The following MCF2L2 variants were observed in gnomAD, a reference collection of about 807,000 sequenced individuals.
MCF2L2 encodes the protein MCF.2 cell line derived transforming sequence-like 2.
In MCF2L2, 102 loss-of-function variants were observed where a neutral mutation model predicts 150.2. The observed-to-expected ratio is 0.68, with a 90% CI of 0.58 to 0.80. The LOEUF is 0.80. MCF2L2 is among the 30% of genes least tolerant of loss of function. The pLI is 0.00. For missense variants in MCF2L2, 1,256 were observed against 1,372.8 expected (o/e 0.91, Z 1.34); for synonymous variants, 465 against 491.3 (o/e 0.95, Z 0.71).
At chr3:183,194,245 G>A (rs931429918) in intron 26 of MCF2L2, among the ~76,000 whole-genome samples, 2 of 152,142 alleles carry the variant, frequency 1.3e-5, no homozygotes, top group Admixed American at 6.5e-5. Flanking sequence ...GCAGACTACT[G>A]TATCAGAACT....
chr3:183,296,853 C>T, intron 12 of MCF2L2, 123 bp downstream of exon 12: 1 of 1,081,264 alleles, frequency 9.2e-7, no homozygotes. Flanking sequence ...GCTTCGGAAC[C>T]AGTGAGCCCA....
intron 12 of MCF2L2, chr3:183,296,330 C>T (rs1044895160): frequency 6.5e-6 from 1 of 152,726 alleles, no homozygotes; most frequent in African/African-American, 2.4e-5. Context: ...CAAAGCCTAC[C>T]TTGCCTGCCT....
At chr3:183,369,554 T>C (rs1712739232) in intron 3 of MCF2L2, among the ~76,000 whole-genome samples, 1 of 152,134 alleles carries the variant, frequency 6.6e-6, no homozygotes, top group Non-Finnish European at 1.5e-5. Flanking sequence ...GTATAAATAT[T>C]CAGACTCTTC....
chr3:183,246,997 T>C (rs1382253106), intron 15 of MCF2L2, among the ~76,000 whole-genome samples: 3 of 152,204 alleles, frequency 2.0e-5, no homozygotes, highest in African/African-American at 7.2e-5. Flanking sequence ...TCCTGTCTTA[T>C]TCATCCTTGG....
At position 183,235,136 on chromosome 3, in the gene MCF2L2, T is replaced by A. The variant is rs1462743977; in HGVS notation, c.1863-4119A>T. Among the ~76,000 whole-genome samples, 333 of 88,492 alleles carry A rather than the reference T, an allele frequency of 3.8e-3. 17 individuals are homozygous for A. The highest frequency in any genetic ancestry group is 0.016 in the African/African-American group (316 of 19,226). The allele number at this position is 88,492 out of a possible 152,430, so 58.1% of individuals were successfully genotyped here. On this transcript the variant is annotated intron_variant, in intron 15 of 29. Coordinates refer to ENST00000328913, the MANE Select transcript of MCF2L2 (RefSeq NM_015078.4). The stretch of plus-strand genomic sequence containing the variant: ...GGTTGGTTCCAAGTCTTTGCTATTG[T>A]GAATAGTGCCACAATAAACATACGT...
At chr3:183,206,045 T>C (rs956772437) in intron 24 of MCF2L2, 77 bp downstream of exon 24, 4 of 1,555,344 alleles carry the variant, frequency 2.6e-6, no homozygotes, top group South Asian at 2.2e-5. Flanking sequence ...ACTAATGAGA[T>C]AGAAAACACT....
intron 20 of MCF2L2, among the ~76,000 whole-genome samples, chr3:183,221,528 G>C (rs564881739): frequency 6.6e-6 from 1 of 152,114 alleles, no homozygotes; most frequent in African/African-American, 2.4e-5. Flanking sequence ...AGCCCTCTGC[G>C]TCTGGTACCG....
chr3:183,287,453 C>G (rs957947767), intron 14 of MCF2L2: 1 of 152,166 alleles, frequency 6.6e-6, no homozygotes, highest in Non-Finnish European at 1.5e-5. Flanking sequence ...GACATTCTCC[C>G]AGAAGTCCAG....
At chr3:183,209,741 A>C (rs941342519) in intron 22 of MCF2L2, among the ~76,000 whole-genome samples, 1 of 152,092 alleles carries the variant, frequency 6.6e-6, no homozygotes, top group African/African-American at 2.4e-5. Context: ...TGCCCACCTC[A>C]GCCTCCCAAA....
intron 3 of MCF2L2, among the ~76,000 whole-genome samples, chr3:183,361,915 G>A (rs868689968): frequency 1.6e-4 from 24 of 152,224 alleles, no homozygotes; most frequent in Middle Eastern, 3.4e-3. Flanking sequence ...CTTTCTGATG[G>A]ATCAATGTAT....
At chr3:183,350,341 T>G (rs1405060747) in intron 3 of MCF2L2, among the ~76,000 whole-genome samples, 2 of 151,880 alleles carry the variant, frequency 1.3e-5, no homozygotes, top group Admixed American at 6.6e-5. Context: ...TCAACAAAGG[T>G]ATGAAAACGT....
intron 15 of MCF2L2, among the ~76,000 whole-genome samples, chr3:183,257,173 A>G (rs1049187538): frequency 1.3e-5 from 2 of 152,244 alleles, no homozygotes; most frequent in Admixed American, 6.5e-5. Flanking sequence ...TGACATTGTC[A>G]ACAAGTTATC....
intron 14 of MCF2L2, among the ~76,000 whole-genome samples, chr3:183,280,738 C>T (rs55983149): frequency 0.026 from 3,906 of 151,668 alleles, 173 homozygotes; most frequent in African/African-American, 0.087. Context: ...CTCCCAGCTA[C>T]TCGGGAGGCT....
chr3:183,196,302 T>C (rs1337833532), intron 25 of MCF2L2, among the ~76,000 whole-genome samples: 6 of 152,104 alleles, frequency 3.9e-5, no homozygotes, highest in Middle Eastern at 3.2e-3. Flanking sequence ...GGCCCTAAGG[T>C]CACTGTATTC....
chr3:183,284,729 GGACCC>G (rs1727695674), intron 14 of MCF2L2, among the ~76,000 whole-genome samples: 2 of 151,734 alleles, frequency 1.3e-5, no homozygotes, highest in African/African-American at 4.8e-5. Flanking sequence ...TTAGATTCCA[GGACCC>G]GACCCTACAC....
At chr3:183,325,868 T>C (rs1214412060) in intron 5 of MCF2L2, among the ~76,000 whole-genome samples, 2 of 152,214 alleles carry the variant, frequency 1.3e-5, no homozygotes, top group East Asian at 3.8e-4. Context: ...AACAAAGGAT[T>C]ATATTAGAAG....
chr3:183,342,451 T>C (rs1376972871), intron 3 of MCF2L2, among the ~76,000 whole-genome samples: 1 of 152,164 alleles, frequency 6.6e-6, no homozygotes, highest in Non-Finnish European at 1.5e-5. Flanking sequence ...AAAGCACAGA[T>C]TCTGGAACCA....
intron 5 of MCF2L2, among the ~76,000 whole-genome samples, chr3:183,330,142 G>A (rs1164573880): frequency 6.6e-6 from 1 of 150,860 alleles, no homozygotes; most frequent in African/African-American, 2.4e-5. Context: ...CTACTGAAGA[G>A]GCTGAGGTGG....
chr3:183,288,209 G>A (rs1400696748), intron 14 of MCF2L2, among the ~76,000 whole-genome samples: 1 of 152,190 alleles, frequency 6.6e-6, no homozygotes, highest in African/African-American at 2.4e-5. Context: ...AGAAACTGAG[G>A]TTTCAAGAGG....
Sources: gnomAD v4.1 joint callset for allele counts (sites outside exome capture counted in the v4.1 genomes callset) on GRCh38, gnomAD v4.1.1 for gene constraint, MANE v1.5 for transcripts, NCBI Gene and HGNC (gene_info 2026-07-23, HGNC 2026-07-21) for gene names.